NDST4: variants seen among roughly 807,000 people sequenced by gnomAD.
NDST4 encodes the protein N-deacetylase and N-sulfotransferase 4.
Under a neutral mutation model 100.8 loss-of-function variants are expected in NDST4, and 63 were observed. The ratio of observed to expected loss-of-function variants is 0.62; its 90% CI spans 0.51 to 0.77. NDST4 has a LOEUF of 0.77. NDST4 is among the 30% of genes least tolerant of loss of function. The probability of loss-of-function intolerance (pLI) is 0.00; values close to 1 mark genes in which losing one functional copy is unlikely to be tolerated. For synonymous variants in NDST4, 377 were observed against 361.8 expected (o/e 1.04, Z -0.48); for missense variants, 943 against 1,018.4 (o/e 0.93, Z 1.01).
intron 6 of NDST4, among the ~76,000 whole-genome samples, chr4:114,888,616 T>A (rs1445727714): frequency 6.6e-6 from 1 of 152,196 alleles, no homozygotes. Flanking sequence ...AGTTTGAGAT[T>A]CCAAAGCTCA....
chr4:114,884,039 A>G (rs1298190222), intron 6 of NDST4, among the ~76,000 whole-genome samples: 1 of 152,162 alleles, frequency 6.6e-6, no homozygotes, highest in African/African-American at 2.4e-5. Flanking sequence ...AGATAGAGAA[A>G]GTCATGCCAT....
intron 4 of NDST4, among the ~76,000 whole-genome samples, chr4:114,967,928 A>C (rs1406105771): frequency 2.0e-5 from 3 of 152,160 alleles, no homozygotes; most frequent in Non-Finnish European, 4.4e-5. Context: ...ATATCCTCCC[A>C]GCAATTCCAT....
At chr4:115,015,572 A>G (rs145855485) in intron 2 of NDST4, among the ~76,000 whole-genome samples, 20 of 152,236 alleles carry the variant, frequency 1.3e-4, no homozygotes, top group Middle Eastern at 3.4e-3. Flanking sequence ...AAGTACGTGC[A>G]TAATTCTGTC....
chr4:114,942,209 T>C (rs1725765268), intron 4 of NDST4, among the ~76,000 whole-genome samples: 2 of 152,174 alleles, frequency 1.3e-5, no homozygotes, highest in African/African-American at 4.8e-5. Context: ...AAACTACACT[T>C]GAAATAATTG....
At chr4:115,043,411 T>C (rs1728395560) in intron 2 of NDST4, among the ~76,000 whole-genome samples, 3 of 152,100 alleles carry the variant, frequency 2.0e-5, no homozygotes, top group African/African-American at 4.8e-5. Context: ...ATCCAGCTCA[T>C]TGGCAATTGT....
intron 2 of NDST4, among the ~76,000 whole-genome samples, chr4:115,027,878 A>C (rs1728022893): frequency 6.6e-6 from 1 of 151,730 alleles, no homozygotes; most frequent in Non-Finnish European, 1.5e-5. Context: ...ACATGGAAAA[A>C]CCCCATCTCT....
chr4:114,945,735 C>G (rs558581511), intron 4 of NDST4, among the ~76,000 whole-genome samples: 1 of 152,224 alleles, frequency 6.6e-6, no homozygotes, highest in East Asian at 1.9e-4. Flanking sequence ...TCTATTTCTC[C>G]TTTTAGTAAG....
At chr4:114,965,948 T>G (rs1202049361) in intron 4 of NDST4, among the ~76,000 whole-genome samples, 1 of 151,986 alleles carries the variant, frequency 6.6e-6, no homozygotes, top group African/African-American at 2.4e-5. Flanking sequence ...ATTCATCTAT[T>G]GTTGTTATTG....
intron 2 of NDST4, among the ~76,000 whole-genome samples, chr4:115,042,294 T>C (rs530443197): frequency 2.0e-5 from 3 of 152,144 alleles, no homozygotes; most frequent in Non-Finnish European, 4.4e-5. Context: ...CATCAGCTTC[T>C]GAGATCCAGC....
At chr4:115,064,225 G>T (rs1728883951) in intron 2 of NDST4, among the ~76,000 whole-genome samples, 2 of 151,938 alleles carry the variant, frequency 1.3e-5, no homozygotes, top group Non-Finnish European at 2.9e-5. Flanking sequence ...AAATATGAAT[G>T]AAAGCATGCC....
intron 4 of NDST4, among the ~76,000 whole-genome samples, chr4:114,946,292 G>GA (rs112715556): frequency 0.13 from 19,406 of 150,666 alleles, 1,719 homozygotes; most frequent in East Asian, 0.43. Flanking sequence ...GAAGAAAACA[G>GA]AAAAAAAAAT....
chr4:115,098,858 C>A (rs1362484447), intron 1 of NDST4, among the ~76,000 whole-genome samples: 1 of 152,128 alleles, frequency 6.6e-6, no homozygotes, highest in Admixed American at 6.5e-5. Flanking sequence ...TGCCACCACA[C>A]CTTGCTAATT....
chr4:114,943,675 C>T (rs1040132769), intron 4 of NDST4, among the ~76,000 whole-genome samples: 2 of 151,942 alleles, frequency 1.3e-5, no homozygotes, highest in Non-Finnish European at 2.9e-5. Flanking sequence ...ATTTGTTATT[C>T]CAAACAGTAT....
intron 2 of NDST4, among the ~76,000 whole-genome samples, chr4:115,000,443 A>G (rs2620412): frequency 0.21 from 32,118 of 151,946 alleles, 3,973 homozygotes; most frequent in South Asian, 0.41. Context: ...ACAAAGCTAT[A>G]ACAAATTTTA....
chr4:114,878,868 T>C (rs1724309938), intron 6 of NDST4, among the ~76,000 whole-genome samples: 1 of 152,054 alleles, frequency 6.6e-6, no homozygotes, highest in Non-Finnish European at 1.5e-5. Context: ...GCAAAGCCAG[T>C]GTTTCTTTGT....
intron 4 of NDST4, among the ~76,000 whole-genome samples, chr4:114,951,877 T>C (rs982046025): frequency 7.9e-5 from 12 of 152,116 alleles, no homozygotes; most frequent in South Asian, 4.1e-4. Flanking sequence ...CTGAAAAATA[T>C]GACTTCTTTT....
At chr4:114,871,856 G>A (rs770014965) in intron 6 of NDST4, among the ~76,000 whole-genome samples, 3 of 151,818 alleles carry the variant, frequency 2.0e-5, no homozygotes, top group Non-Finnish European at 2.9e-5. Context: ...TATTGTAAAT[G>A]TTTTATAACA....
intron 1 of NDST4, among the ~76,000 whole-genome samples, chr4:115,096,481 G>T (rs1729623400): frequency 6.6e-6 from 1 of 151,666 alleles, no homozygotes; most frequent in Non-Finnish European, 1.5e-5. Flanking sequence ...ATTTCATAGA[G>T]AGCACAGTAG....
chr4:114,862,843 A>C (rs1160545132), intron 7 of NDST4, among the ~76,000 whole-genome samples: 1 of 152,136 alleles, frequency 6.6e-6, no homozygotes. Flanking sequence ...CTGTTACAAT[A>C]CTTGCTGTTC....
Sources: allele counts gnomAD v4.1 joint callset (sites outside exome capture counted in the v4.1 genomes callset), GRCh38; gene constraint gnomAD v4.1.1; transcripts MANE v1.5; gene names NCBI Gene and HGNC (gene_info 2026-07-23, HGNC 2026-07-21).